Variants in AHRR observed in about 807,000 individuals in gnomAD.
The protein encoded by AHRR is ahR repressor.
Under a neutral mutation model 44.0 loss-of-function variants are expected in AHRR, and 28 were observed. The ratio of observed to expected loss-of-function variants is 0.64; its 90% CI spans 0.47 to 0.87. AHRR has a LOEUF of 0.87. Among genes scored for constraint, AHRR ranks in the 40% least tolerant of loss-of-function variants. AHRR has a pLI of 0.00. For synonymous variants in AHRR, 434 were observed against 407.0 expected, an observed-to-expected ratio of 1.07 and a Z score of -0.80; for missense variants, 990 against 953.9, an observed-to-expected ratio of 1.04 and a Z score of -0.50.
chr5:335,214 A>G (rs1276223256), intron 1 of AHRR, among the ~76,000 whole-genome samples: 1 of 152,144 alleles, frequency 6.6e-6, no homozygotes, highest in Non-Finnish European at 1.5e-5. Flanking sequence ...GTAGCAGTGT[A>G]CCATGCGAGT....
chr5:398,357 C>T (rs1050603060), intron 4 of AHRR, among the ~76,000 whole-genome samples: 2 of 152,088 alleles, frequency 1.3e-5, no homozygotes, highest in Non-Finnish European at 2.9e-5. Context: ...ACACCTTAGC[C>T]CCTGATTGTC....
At position 434,333 on chromosome 5, in the gene AHRR, G is replaced by A. The variant is rs774654529; in HGVS notation, c.1593G>A (p.Val531=). Residue 531 remains valine, a synonymous_variant, in exon 11 of 11, where the codon GTG becomes GTA. Coordinates refer to ENST00000684583, the MANE Select transcript of AHRR (RefSeq NM_001377236.1). ...DLCGPTLLLD[V]SIKMEKDSGC... is the part of the protein sequence containing the mutation. ...GTGGTCCGACGCTGCTGCTAGATGT[G>A]TCCATCAAGATGGAGAAGGACTCTG... 8.1e-6 allele frequency: 13 copies of A among 1,612,570 alleles called. No homozygotes were observed. Among genetic ancestry groups the A allele is most frequent in the Middle Eastern group, 1.6e-4 (1 of 6,080 alleles).
chr5:434,876 T>G lies in AHRR; in HGVS notation c.*42T>G, dbSNP rs1397887011. 4.1e-5 allele frequency: 62 copies of G among 1,503,868 alleles called. No individual in the cohort carries two copies. Among genetic ancestry groups the G allele is most frequent in the Non-Finnish European group, 5.3e-5 (59 of 1,119,910 alleles). 93.2% of individuals were successfully genotyped at this position (1,503,868 alleles called of 1,614,324 possible). Reference sequence around the variant, plus strand: ...CAAGCTCAGATCTGTGTGTCTACGCTCAGATGCGTCGGTGGCTGGGCTGCC... The same window carrying G: ...CAAGCTCAGATCTGTGTGTCTACGCGCAGATGCGTCGGTGGCTGGGCTGCC... On this transcript the variant is annotated 3_prime_UTR_variant, in exon 11 of 11. Coordinates refer to ENST00000684583, the MANE Select transcript of AHRR (RefSeq NM_001377236.1).
At chr5:403,032 G>A (rs530313663) in intron 4 of AHRR, among the ~76,000 whole-genome samples, 1 of 152,182 alleles carries the variant, frequency 6.6e-6, no homozygotes, top group Non-Finnish European at 1.5e-5. Flanking sequence ...GGGGCCGGGG[G>A]TGTGGGAGGG....
chr5:372,860 G>C (rs1743626149), intron 3 of AHRR, among the ~76,000 whole-genome samples: 1 of 152,186 alleles, frequency 6.6e-6, no homozygotes. Flanking sequence ...GGGCCAGATG[G>C]GGTGGCCTTG....
At chr5:354,409 C>T (rs1312555331) in intron 3 of AHRR, among the ~76,000 whole-genome samples, 1 of 152,180 alleles carries the variant, frequency 6.6e-6, no homozygotes, top group African/African-American at 2.4e-5. Flanking sequence ...CTCCCCCTGC[C>T]CACGCCAGGC....
chr5:434,078 C>T lies in AHRR; in HGVS notation c.1338C>T (p.Asn446=). Reference sequence around the variant, plus strand: ...CGTGTGTCCAGGGCACTTTCAGGAACTCGCCCATCTCTCACCCGCCGAGCC... The same window carrying T: ...CGTGTGTCCAGGGCACTTTCAGGAATTCGCCCATCTCTCACCCGCCGAGCC... The part of the protein sequence containing the change: ...PCPCVQGTFR[N]SPISHPPSPS... Residue 446 remains asparagine, a synonymous_variant, in exon 11 of 11, where the codon AAC becomes AAT. Coordinates refer to ENST00000684583, the MANE Select transcript of AHRR (RefSeq NM_001377236.1). 1 of 1,612,912 alleles carries T rather than the reference C, an allele frequency of 6.2e-7. No individual in the cohort carries two copies. Among genetic ancestry groups the T allele is most frequent in the South Asian group, 1.1e-5 (1 of 91,006 alleles).
At chr5:329,203 TTC>T (rs1281103141) in intron 1 of AHRR, among the ~76,000 whole-genome samples, 1 of 152,192 alleles carries the variant, frequency 6.6e-6, no homozygotes, top group Non-Finnish European at 1.5e-5. Flanking sequence ...CTCCTCCTTC[TTC>T]TCTCTTTTTT....
rs772640173 is a variant in AHRR, at chr5:422,863, G to T, written c.571+5G>T. 8.7e-6 allele frequency: 14 copies of T among 1,608,004 alleles called. No homozygotes were observed. ...AGCCCCCGCCCTTGGAGACAGGTGG[G>T]TGTCTGGGGTCCAAGTGAGTCAGCA... On this transcript the variant is annotated splice_donor_5th_base_variant and intron_variant, in intron 6 of 10. Transcript: ENST00000684583.
chr5:406,038 G>A lies in AHRR; in HGVS notation c.352-7306G>A, dbSNP rs1296553075. On this transcript the variant is annotated intron_variant, in intron 4 of 10. Transcript: ENST00000684583. This position sits in a 1 kb window ranked among gnomAD's most constrained non-coding sequence, Gnocchi z 4.7. ...CAAGATAGACACAGATGTATGAAAC[G>A]CTCTACAGCCACCCGAAAAAGGTAG... 1.3e-5 allele frequency among the ~76,000 whole-genome samples: 2 copies of A among 152,136 alleles called. No homozygotes were observed. Among genetic ancestry groups the A allele is most frequent in the South Asian group, 2.1e-4 (1 of 4,828 alleles).
At chr5:421,043 TG>T in intron 5 of AHRR, 1 of 515,094 alleles carries the variant, frequency 1.9e-6, no homozygotes, top group East Asian at 3.7e-5. Context: ...GCAAGAAACG[TG>T]GCCTATCCAC....
At chr5:363,453 A>G (rs542096340) in intron 3 of AHRR, among the ~76,000 whole-genome samples, 1 of 152,262 alleles carries the variant, frequency 6.6e-6, no homozygotes, top group East Asian at 1.9e-4. Flanking sequence ...GCCTCTTGCC[A>G]AGGTCTGCCC....
intron 1 of AHRR, among the ~76,000 whole-genome samples, chr5:331,493 C>G (rs1741910188): frequency 6.6e-6 from 1 of 152,158 alleles, no homozygotes; most frequent in Non-Finnish European, 1.5e-5. Flanking sequence ...TATTTCTTTT[C>G]TTCTGCTAAT....
intron 3 of AHRR, among the ~76,000 whole-genome samples, chr5:359,883 C>A (rs1017845695): frequency 3.9e-5 from 6 of 152,168 alleles, no homozygotes; most frequent in Non-Finnish European, 7.3e-5. Flanking sequence ...GTCAAAAGTT[C>A]CATGCTCCTT....
At chr5:393,547 T>A (rs972367760) in intron 4 of AHRR, among the ~76,000 whole-genome samples, 3 of 152,238 alleles carry the variant, frequency 2.0e-5, no homozygotes, top group African/African-American at 7.2e-5. Flanking sequence ...CCACGTGGCC[T>A]TGCTGCTGAG....
Position 415,609 on chromosome 5 carries a change from T to TCGGGCGGGAGGCCTA in AHRR, c.441+2176_441+2177insCGGGCGGGAGGCCTA, listed in dbSNP as rs879434059. Among the ~76,000 whole-genome samples, 121 of 137,216 alleles carry TCGGGCGGGAGGCCTA rather than the reference T, an allele frequency of 8.8e-4. 3 individuals are homozygous for TCGGGCGGGAGGCCTA. Among genetic ancestry groups the TCGGGCGGGAGGCCTA allele is most frequent in the Middle Eastern group, 3.9e-3 (1 of 256 alleles). The allele number at this position is 137,216 out of a possible 152,430, so 90.0% of individuals were successfully genotyped here. A position where few individuals can be genotyped will look rare whatever the true frequency, so the allele number is the denominator to read the frequency against. ...AGGCCTAGGGGCCGAATCTGCCTGG[T>TCGGGCGGGAGGCCTA]GGGGCGGGAGGCCTAGGGGCCGAAT... On this transcript the variant is annotated intron_variant, in intron 5 of 10. Coordinates refer to ENST00000684583, the MANE Select transcript of AHRR (RefSeq NM_001377236.1).
rs140391880 is a variant in AHRR, at chr5:361,914, C to T, written c.244+8003C>T. 3.5e-3 allele frequency among the ~76,000 whole-genome samples: 530 copies of T among 152,190 alleles called. 18 individuals are homozygous for T. Among genetic ancestry groups the T allele is most frequent in the Admixed American group, 0.032 (493 of 15,276 alleles). On this transcript the variant is annotated intron_variant, in intron 3 of 10. Coordinates refer to ENST00000684583, the MANE Select transcript of AHRR (RefSeq NM_001377236.1). ...GAGTTGATGCTGGAATGGGTTAAGA[C>T]GTTTGGGGCTGTTGGGATGGAGTTA...
intron 3 of AHRR, among the ~76,000 whole-genome samples, chr5:374,076 C>G (rs1168153463): frequency 6.6e-6 from 1 of 152,090 alleles, no homozygotes; most frequent in African/African-American, 2.4e-5. Flanking sequence ...GGCTCCGCTG[C>G]GGGAGCGACC....
Position 419,160 on chromosome 5 carries a change from G to C in AHRR, c.442-3569G>C, listed in dbSNP as rs913523457. 9.1e-6 allele frequency: 1 copy of C among 109,710 alleles called. No homozygotes were observed. The highest frequency in any genetic ancestry group is 1.8e-5 in the Non-Finnish European group (1 of 56,522). The allele number at this position is 109,710 out of a possible 1,614,324, so 6.8% of individuals were successfully genotyped here. A position where few individuals can be genotyped will look rare whatever the true frequency, so the allele number is the denominator to read the frequency against. On this transcript the variant is annotated intron_variant, in intron 5 of 10. Transcript: ENST00000684583. The surrounding 1 kb of genome is among the most constrained non-coding windows in gnomAD (Gnocchi z 4.4). ...GAGGGCAAGAATCTATTTTTTAAAAGGAATGGGATTTTTTTTTTTTTTTTG... is the reference window on the plus strand; with the variant it reads ...GAGGGCAAGAATCTATTTTTTAAAACGAATGGGATTTTTTTTTTTTTTTTG...
Sources: allele counts gnomAD v4.1 joint callset (sites outside exome capture counted in the v4.1 genomes callset), GRCh38; gene constraint gnomAD v4.1.1; non-coding constraint Gnocchi (gnomAD v3.1); transcripts MANE v1.5; gene names NCBI Gene and HGNC (gene_info 2026-07-23, HGNC 2026-07-21).